Variants in C3 observed in about 807,000 individuals in gnomAD.
C3 encodes C3 and PZP-like alpha-2-macroglobulin domain-containing protein 1.
C3 carries 97 observed loss-of-function variants against 207.9 expected under a neutral mutation model. The ratio of observed to expected loss-of-function variants is 0.47; its 90% CI spans 0.40 to 0.55. The LOEUF (loss-of-function observed/expected upper bound fraction) is 0.55. Ranked by LOEUF, C3 falls within the 20% of genes least tolerant of loss-of-function variation. The probability of loss-of-function intolerance (pLI) is 0.00; values close to 1 mark genes in which losing one functional copy is unlikely to be tolerated. For synonymous variants in C3, 848 were observed against 857.6 expected (o/e 0.99, Z 0.20); for missense variants, 1,684 against 2,171.7 (o/e 0.78, Z 4.46).
intron 19 of C3, among the ~76,000 whole-genome samples, chr19:6,698,607 G>A (rs1056844034): frequency 9.9e-5 from 15 of 152,084 alleles, no homozygotes; most frequent in African/African-American, 3.6e-4. Context: ...ACTTTGGGAG[G>A]CTGAGGCAGG....
chr19:6,678,079 C>A, intron 40 of C3, 56 bp from the exon 41 acceptor site: 1 of 1,613,674 alleles, frequency 6.2e-7, no homozygotes, highest in South Asian at 1.1e-5. Context: ...GGCGCAGGGG[C>A]GTGACAATGG....
rs771175543 is a variant in C3, at chr19:6,719,534, G to A, written c.75-131C>T. ...TGGAGAGGATCCAGTGACTGCCGGC[G>A]CACTTGCCAATGCCATTATCTTCTC... is the stretch of plus-strand genomic sequence containing the variant. On this transcript the variant is annotated intron_variant, in intron 1 of 40. Transcript: ENST00000245907. This position sits in a 1 kb window ranked among gnomAD's most constrained non-coding sequence, Gnocchi z 5.4. The A allele has an allele frequency of 3.3e-4, 254 of 775,910 alleles. No individual in the cohort carries two copies. The highest frequency in any genetic ancestry group is 4.6e-4 in the Non-Finnish European group (214 of 466,400). 48.1% of individuals were successfully genotyped at this position (775,910 alleles called of 1,614,324 possible). A position where few individuals can be genotyped will look rare whatever the true frequency, so the allele number is the denominator to read the frequency against.
At chr19:6,717,830 TGTGTGTGTTGCA>T in intron 4 of C3, 1 of 592,900 alleles carries the variant, frequency 1.7e-6, no homozygotes, top group East Asian at 2.9e-5. Context: ...GTTGTGTGTT[TGTGTGTGTTGCA>T]TTGTGTGTGT....
rs77558658 is a variant in C3 at position 6,720,053 on chromosome 19, G to A, written c.74+463C>T. ...CAAATCTTGTAAAGTCCAAACCTCC[G>A]AGTCTCCAAACACCCCCAACCGCAC... On this transcript the variant is annotated intron_variant, in intron 1 of 40. Transcript: ENST00000245907. Among the ~76,000 whole-genome samples, 116 of 152,074 alleles carry A rather than the reference G, an allele frequency of 7.6e-4. 2 individuals carry two copies. The East Asian group carries it at 0.014, about 19-fold the overall frequency.
chr19:6,680,032 A>C, intron 36 of C3, 126 bp downstream of exon 36: 1 of 725,304 alleles, frequency 1.4e-6, no homozygotes, highest in African/African-American at 1.7e-5. Flanking sequence ...TGGGACCTTC[A>C]TACTACGAAT....
chr19:6,715,503 G>A (rs972351687), intron 4 of C3, among the ~76,000 whole-genome samples: 51 of 151,666 alleles, frequency 3.4e-4, no homozygotes, highest in African/African-American at 1.1e-3. Context: ...ATGAATGAAT[G>A]AATAAATAAG....
In C3 at chr19:6,710,908, C is replaced by T. The variant is rs888109558; in HGVS notation, c.1480-63G>A. 50 of 1,602,036 alleles carry T rather than the reference C, an allele frequency of 3.1e-5. No individual in the cohort carries two copies. In the Admixed American group the frequency reaches 3.8e-4, roughly 12 times the overall value. On this transcript the variant is annotated intron_variant, in intron 12 of 40. Coordinates refer to ENST00000245907, the MANE Select transcript of C3 (RefSeq NM_000064.4). Reference sequence around the variant, plus strand: ...GTGGCAGGGAACGCAGGGAGGGATCCGGGATGGGGGAAGGAGTCCCAGGGG... The same window carrying T: ...GTGGCAGGGAACGCAGGGAGGGATCTGGGATGGGGGAAGGAGTCCCAGGGG...
At chr19:6,710,091 C>T (rs531916460) in intron 13 of C3, among the ~76,000 whole-genome samples, 16 of 74,246 alleles carry the variant, frequency 2.2e-4, no homozygotes, top group South Asian at 4.7e-4. Flanking sequence ...GGGAGAGAGA[C>T]GGAGAGACAG....
At chr19:6,709,610 G>GC in intron 14 of C3, 74 bp downstream of exon 14, 1 of 1,318,348 alleles carries the variant, frequency 7.6e-7, no homozygotes, top group Non-Finnish European at 1.1e-6. Context: ...GCCCTCTCCA[G>GC]TCCCACCCAC....
intron 17 of C3, among the ~76,000 whole-genome samples, chr19:6,703,668 C>T (rs911406253): frequency 9.9e-5 from 15 of 152,108 alleles, no homozygotes; most frequent in African/African-American, 2.4e-4. Flanking sequence ...ATCACCGTCC[C>T]GAGAAACCGT....
chr19:6,710,206 GA>G (rs1225042056), intron 13 of C3, among the ~76,000 whole-genome samples: 1 of 110,606 alleles, frequency 9.0e-6, no homozygotes, highest in East Asian at 4.7e-4. Flanking sequence ...AAGAGAGAAG[GA>G]GAGAAAGAGG....
intron 36 of C3, 188 bp downstream of exon 36, chr19:6,679,970 C>CCCTCAGAA (rs541776468): frequency 3.3e-6 from 2 of 604,010 alleles, no homozygotes; most frequent in Non-Finnish European, 6.1e-6. Flanking sequence ...TTCTCAGATC[C>CCCTCAGAA]CCTCAGAACC....
Position 6,693,332 on chromosome 19 carries a change from C to G in C3, c.3230+80G>C, listed in dbSNP as rs149340981. On this transcript the variant is annotated intron_variant, in intron 25 of 40. Transcript: ENST00000245907. ...TTTGGGCAAGGCTGGCCTAAGGGAC[C>G]ACCCCTGGCCAGGGTCCGGGCCCTG... 7.0e-4 allele frequency: 990 copies of G among 1,413,928 alleles called. 11 individuals are homozygous for G. In the African/African-American group the frequency reaches 0.012, roughly 17 times the overall value. The allele number at this position is 1,413,928 out of a possible 1,614,324, so 87.6% of individuals were successfully genotyped here.
intron 26 of C3, among the ~76,000 whole-genome samples, chr19:6,692,019 C>G (rs113707960): frequency 0.11 from 15,981 of 151,748 alleles, 1,027 homozygotes; most frequent in Non-Finnish European, 0.13. Context: ...CACACACACA[C>G]ACACACACAC....
At position 6,678,383 on chromosome 19, in the gene C3, G is replaced by T; in HGVS notation, c.4703C>A (p.Thr1568Asn). The change falls in exon 39 of 41, where the codon ACC becomes AAC. Residue 1568 changes from threonine to asparagine, a missense_variant. Transcript: ENST00000245907. ...FDEYIMAIEQ[T>N]IKSGSDEVQV... ...GTGCTGAGCCTGACCTGACTTGATGGTCTGCTCAATGGCCATGATGTACTC... is the reference window on the plus strand; with the variant it reads ...GTGCTGAGCCTGACCTGACTTGATGTTCTGCTCAATGGCCATGATGTACTC... The T allele has an allele frequency of 6.2e-7, 1 of 1,614,156 alleles. No homozygotes were observed. The highest frequency in any genetic ancestry group is 8.5e-7 in the Non-Finnish European group (1 of 1,180,002).
At chr19:6,681,267 G>A (rs927567053) in intron 35 of C3, among the ~76,000 whole-genome samples, 1 of 141,156 alleles carries the variant, frequency 7.1e-6, no homozygotes, top group African/African-American at 2.7e-5. Flanking sequence ...ATGGTGGCAT[G>A]CACCTGTAAT....
intron 17 of C3, among the ~76,000 whole-genome samples, chr19:6,703,914 C>G (rs1454517737): frequency 6.6e-6 from 1 of 152,104 alleles, no homozygotes; most frequent in Non-Finnish European, 1.5e-5. Context: ...CGCAACTGCA[C>G]TCCAGCCTGG....
At chr19:6,696,314 A>T in intron 23 of C3, 65 bp downstream of exon 23, 2 of 984,178 alleles carry the variant, frequency 2.0e-6, no homozygotes, top group Non-Finnish European at 1.6e-6. Flanking sequence ...CTCCAGAATG[A>T]GATGGAATTT....
intron 14 of C3, among the ~76,000 whole-genome samples, chr19:6,709,396 C>T (rs1209955317): frequency 1.3e-5 from 2 of 152,026 alleles, no homozygotes; most frequent in Non-Finnish European, 2.9e-5. Context: ...TGCAGTGAGC[C>T]GAGATTGTGC....
Sources: allele counts gnomAD v4.1 joint callset (sites outside exome capture counted in the v4.1 genomes callset), GRCh38; gene constraint gnomAD v4.1.1; non-coding constraint Gnocchi (gnomAD v3.1); transcripts MANE v1.5; gene names NCBI Gene and HGNC (gene_info 2026-07-23, HGNC 2026-07-21).